SPATA6: variants seen among roughly 807,000 people sequenced by gnomAD.
SPATA6 encodes spermatogenesis-associated protein 6.
SPATA6 carries 56 observed loss-of-function variants against 65.3 expected under a neutral mutation model. The ratio of observed to expected loss-of-function variants is 0.86; its 90% CI spans 0.69 to 1.07. The LOEUF is 1.07. Ranked by LOEUF, SPATA6 falls within the 50% of genes least tolerant of loss-of-function variation. The probability of loss-of-function intolerance (pLI) is 0.00; values close to 1 mark genes in which losing one functional copy is unlikely to be tolerated. For synonymous variants in SPATA6, 199 were observed against 213.2 expected, an observed-to-expected ratio of 0.93 and a Z score of 0.58; for missense variants, 590 against 594.8, an observed-to-expected ratio of 0.99 and a Z score of 0.08.
intron 11 of SPATA6, among the ~76,000 whole-genome samples, chr1:48,309,496 T>C (rs1204555503): frequency 1.3e-5 from 2 of 152,202 alleles, no homozygotes; most frequent in Non-Finnish European, 2.9e-5. Flanking sequence ...AAAAATAGTT[T>C]ATAACTTTTG....
intron 6 of SPATA6, chr1:48,400,722 T>C (rs1405227215): frequency 4.2e-6 from 5 of 1,194,856 alleles, no homozygotes; most frequent in Non-Finnish European, 5.5e-6. Flanking sequence ...ATTTTCCTAA[T>C]TGGAAAAGTG....
chr1:48,373,239 T>G (rs1460304267), intron 9 of SPATA6, among the ~76,000 whole-genome samples: 1 of 152,242 alleles, frequency 6.6e-6, no homozygotes, highest in Non-Finnish European at 1.5e-5. Flanking sequence ...CTTTGCTGCT[T>G]AGAAGTTTAT....
chr1:48,471,967 CTCCAGCGCCAGGGCG>C lies in SPATA6; in HGVS notation c.27_41del (p.Cys9_Glu14delinsTrp). The C allele has an allele frequency of 6.2e-7, 1 of 1,604,630 alleles. No homozygotes were observed. Among genetic ancestry groups the C allele is most frequent in the South Asian group, 1.1e-5 (1 of 89,944 alleles). On this transcript the variant is annotated inframe_deletion, in exon 1 of 13. Transcript: ENST00000371847. ...CGCTACCGGTACTCACTGAGCTGAT[CTCCAGCGCCAGGGCG>C]CACTGCAGCGCCTTCACCTTCGGCA...
chr1:48,453,830 G>C (rs1270977630), intron 1 of SPATA6, among the ~76,000 whole-genome samples: 1 of 149,474 alleles, frequency 6.7e-6, no homozygotes, highest in Non-Finnish European at 1.5e-5. Flanking sequence ...AAGTAGAAAA[G>C]AAAGAAGGAA....
At chr1:48,278,370 G>A in the SPATA6 span, among the ~76,000 whole-genome samples, 27 of 152,130 alleles carry the variant, frequency 1.8e-4, no homozygotes, top group Non-Finnish European at 3.4e-4. Context: ...GGCTTCAGAC[G>A]ATCAAACTAC....
At chr1:48,419,242 G>T (rs1286436652) in intron 3 of SPATA6, among the ~76,000 whole-genome samples, 1 of 152,074 alleles carries the variant, frequency 6.6e-6, no homozygotes, top group African/African-American at 2.4e-5. Flanking sequence ...AGAGACTAAA[G>T]GCTAATGTTA....
intron 3 of SPATA6, among the ~76,000 whole-genome samples, chr1:48,435,765 G>A (rs552260549): frequency 4.6e-5 from 7 of 152,216 alleles, no homozygotes; most frequent in Admixed American, 3.3e-4. Context: ...CACCGGGAGC[G>A]GGCCTAGAGC....
At chr1:48,439,469 TG>T (rs1655257442) in intron 3 of SPATA6, among the ~76,000 whole-genome samples, 1 of 151,612 alleles carries the variant, frequency 6.6e-6, no homozygotes, top group Non-Finnish European at 1.5e-5. Flanking sequence ...TGCAGGTTCT[TG>T]GGCAAGAGTG....
At position 48,397,013 on chromosome 1, in the gene SPATA6, G is replaced by C. The variant is rs532174576; in HGVS notation, c.781-1659C>G. Among the ~76,000 whole-genome samples, 4 of 151,544 alleles carry C rather than the reference G, an allele frequency of 2.6e-5. 1 individual carries two copies. The South Asian group carries it at 8.3e-4, about 31-fold the overall frequency. On this transcript the variant is annotated intron_variant, in intron 7 of 12. Coordinates refer to ENST00000371847, the MANE Select transcript of SPATA6 (RefSeq NM_019073.4). ...AATGTGGTATATAGTCTTACAACAG[G>C]ATATAATTAAGCCATAAAAAGGAAT...
intron 3 of SPATA6, among the ~76,000 whole-genome samples, chr1:48,446,003 G>C (rs937581377): frequency 6.6e-6 from 1 of 152,186 alleles, no homozygotes; most frequent in Non-Finnish European, 1.5e-5. Flanking sequence ...AATTAGGAGA[G>C]AGAAGCCACA....
intron 3 of SPATA6, among the ~76,000 whole-genome samples, chr1:48,450,720 A>C (rs1371027635): frequency 6.6e-6 from 1 of 152,200 alleles, no homozygotes; most frequent in Non-Finnish European, 1.5e-5. Context: ...GCTCCATGAG[A>C]CAGACAATGG....
intron 11 of SPATA6, among the ~76,000 whole-genome samples, chr1:48,344,829 C>T (rs1413621054): frequency 6.6e-6 from 1 of 152,122 alleles, no homozygotes. Flanking sequence ...ATCTACCTAT[C>T]CTAAATACAT....
chr1:48,316,740 C>G (rs1570082796), intron 11 of SPATA6, among the ~76,000 whole-genome samples: 1 of 152,190 alleles, frequency 6.6e-6, no homozygotes, highest in Non-Finnish European at 1.5e-5. Context: ...TCAGAGTGAA[C>G]AGGCAACCCA....
At chr1:48,268,918 A>G in the SPATA6 span, among the ~76,000 whole-genome samples, 1 of 152,182 alleles carries the variant, frequency 6.6e-6, no homozygotes. Context: ...GTCACTTTGC[A>G]TCTTTTACCT....
chr1:48,378,055 A>C (rs1396551976), intron 9 of SPATA6, among the ~76,000 whole-genome samples: 1 of 152,226 alleles, frequency 6.6e-6, no homozygotes, highest in Non-Finnish European at 1.5e-5. Flanking sequence ...TGGAGAAAAT[A>C]GCATACAGAT....
At chr1:48,400,280 T>G (rs1236462233) in intron 6 of SPATA6, among the ~76,000 whole-genome samples, 1 of 151,940 alleles carries the variant, frequency 6.6e-6, no homozygotes, top group African/African-American at 2.4e-5. Context: ...TCCCATATTT[T>G]TATAAAATTA....
At chr1:48,290,624 T>C (rs1245405623), downstream of SPATA6, among the ~76,000 whole-genome samples, 6 of 152,006 alleles carry the variant, frequency 3.9e-5, no homozygotes, top group Admixed American at 2.6e-4. Flanking sequence ...GAGACACACA[T>C]AGGCTCAAAA....
chr1:48,287,857 G>A, the SPATA6 span, among the ~76,000 whole-genome samples: 2 of 152,226 alleles, frequency 1.3e-5, no homozygotes, highest in Non-Finnish European at 2.9e-5. Flanking sequence ...GCAGCAGAGG[G>A]AGTGAGCATC....
Position 48,465,865 on chromosome 1 carries a change from C to T in SPATA6, c.51+6093G>A, listed in dbSNP as rs992747631. Among the ~76,000 whole-genome samples the T allele has an allele frequency of 3.3e-5, 5 of 152,042 alleles. No individual in the cohort carries two copies. The South Asian group carries it at 8.3e-4, about 25-fold the overall frequency. On this transcript the variant is annotated intron_variant, in intron 1 of 12. Transcript: ENST00000371847. Reference sequence around the variant, plus strand: ...ATGGCAATTGCATTACTGTAAAATGCGTTTTAAAAACCTTTTAAAAAGACT... The same window carrying T: ...ATGGCAATTGCATTACTGTAAAATGTGTTTTAAAAACCTTTTAAAAAGACT...
Sources: allele counts gnomAD v4.1 joint callset (sites outside exome capture counted in the v4.1 genomes callset), GRCh38; gene constraint gnomAD v4.1.1; transcripts MANE v1.5; gene names NCBI Gene and HGNC (gene_info 2026-07-23, HGNC 2026-07-21).